The following COL4A3 variants were observed in gnomAD, a reference collection of about 807,000 sequenced individuals.
COL4A3 encodes collagen alpha-3(IV) chain.
Under a neutral mutation model 217.4 loss-of-function variants are expected in COL4A3, and 135 were observed. The observed-to-expected ratio is 0.62, with a 90% confidence interval of 0.54 to 0.72. The LOEUF (loss-of-function observed/expected upper bound fraction) is 0.72. Ranked by LOEUF, COL4A3 falls within the 30% of genes least tolerant of loss-of-function variation. COL4A3 has a pLI of 0.00. For synonymous variants in COL4A3, 690 were observed against 736.3 expected (o/e 0.94, Z 1.02); for missense variants, 1,868 against 2,119.9 (o/e 0.88, Z 2.33).
chr2:227,244,752 C>A (rs1412069046), intron 4 of COL4A3, 199 bp from the exon 5 acceptor site: 4 of 754,108 alleles, frequency 5.3e-6, no homozygotes, highest in African/African-American at 1.7e-5. Context: ...TTAATGATAT[C>A]TTTTTAAGAG....
intron 16 of COL4A3, 31 bp downstream of exon 16, chr2:227,256,101 T>C: frequency 6.3e-7 from 1 of 1,599,238 alleles, no homozygotes; most frequent in Non-Finnish European, 8.6e-7. Context: ...ATGGAGGTAG[T>C]AAAAATGTCA....
chr2:227,280,355 G>C (rs546148850), intron 29 of COL4A3, 85 bp from the exon 30 acceptor site: 2 of 1,489,000 alleles, frequency 1.3e-6, no homozygotes, highest in South Asian at 1.1e-5. Context: ...TGTGCAACAG[G>C]GACTTAGAGC....
At chr2:227,199,833 AACAAAC>A (rs1211001309) in intron 1 of COL4A3, among the ~76,000 whole-genome samples, 1 of 152,070 alleles carries the variant, frequency 6.6e-6, no homozygotes, top group Non-Finnish European at 1.5e-5. Flanking sequence ...AAAATGTAAA[AACAAAC>A]AAACAAACAA....
Position 227,294,034 on chromosome 2 carries a change from T to C in COL4A3, c.3338-456T>C, listed in dbSNP as rs187319934. The C allele has an allele frequency of 2.6e-4, 78 of 301,888 alleles. 1 individual carries two copies. The Middle Eastern group carries it at 3.6e-3, about 14-fold the overall frequency. 18.7% of individuals were successfully genotyped at this position (301,888 alleles called of 1,614,324 possible). A position where few individuals can be genotyped will look rare whatever the true frequency, so the allele number is the denominator to read the frequency against. The stretch of plus-strand genomic sequence containing the variant: ...GACAACACAATTCAAACTACAACAC[T>C]GTGCTGTGACTCTTTTTCGAACCCA... On this transcript the variant is annotated intron_variant, in intron 38 of 51. Coordinates refer to ENST00000396578, the MANE Select transcript of COL4A3 (RefSeq NM_000091.5).
intron 1 of COL4A3, among the ~76,000 whole-genome samples, chr2:227,176,862 A>G (rs2065691728): frequency 6.6e-6 from 1 of 152,250 alleles, no homozygotes; most frequent in Non-Finnish European, 1.5e-5. Flanking sequence ...TTGTTGAACC[A>G]GAATGATAGG....
chr2:227,311,860 A>C lies in COL4A3; in HGVS notation c.5003A>C (p.Lys1668Thr), dbSNP rs1251988107. 6.2e-7 allele frequency: 1 copy of C among 1,613,852 alleles called. No individual in the cohort carries two copies. Among genetic ancestry groups the C allele is most frequent in the East Asian group, 2.2e-5 (1 of 44,858 alleles). The part of the protein sequence containing the change: ...IISRCQVCMK[K>T]RH ...AGTCGCTGTCAGGTGTGCATGAAGA[A>C]AAGACACTGAAGCTAAAAAAGACAG... The change falls in exon 52 of 52, where the codon AAA becomes ACA. Residue 1668 changes from lysine to threonine, a missense_variant. Lys to Thr is a moderately conservative substitution (Grantham distance 78). Coordinates refer to ENST00000396578, the MANE Select transcript of COL4A3 (RefSeq NM_000091.5).
At chr2:227,197,641 C>A (rs1179566579) in intron 1 of COL4A3, among the ~76,000 whole-genome samples, 1 of 152,160 alleles carries the variant, frequency 6.6e-6, no homozygotes, top group Non-Finnish European at 1.5e-5. Flanking sequence ...AAGACATAAT[C>A]TTATCCCTAA....
chr2:227,261,053 A>G (rs1234216936), intron 19 of COL4A3, 29 bp from the exon 20 acceptor site: 1 of 1,592,506 alleles, frequency 6.3e-7, no homozygotes, highest in East Asian at 2.2e-5. Context: ...TATCTTTCTA[A>G]GCAATTAATT....
In COL4A3 at chr2:227,248,478, T is replaced by C. The variant is rs748974369; in HGVS notation, c.504T>C (p.Asp168=). The change falls in exon 9 of 52, where the codon GAT becomes GAC. Residue 168 remains aspartate, a synonymous_variant. Transcript: ENST00000396578. ...CTAAAGAAGAAGATATAGAACTTGA[T>C]GCAAAAGGCGACCCCGGGTTGCCAG... is the stretch of plus-strand genomic sequence containing the variant. The part of the protein sequence containing the change: ...APAKEEDIEL[D]AKGDPGLPGA... The C allele has an allele frequency of 2.0e-5, 32 of 1,613,256 alleles. No homozygotes were observed. In the Admixed American group the frequency reaches 4.7e-4, roughly 24 times the overall value.
chr2:227,189,574 G>A (rs1207720051), intron 1 of COL4A3, among the ~76,000 whole-genome samples: 1 of 152,276 alleles, frequency 6.6e-6, no homozygotes, highest in South Asian at 2.1e-4. Flanking sequence ...GTTAGTATCG[G>A]TAAAAAGCCT....
intron 1 of COL4A3, among the ~76,000 whole-genome samples, chr2:227,189,121 G>A (rs1468341566): frequency 1.3e-5 from 2 of 152,122 alleles, no homozygotes; most frequent in Admixed American, 6.5e-5. Context: ...GTGTCTGGAG[G>A]GAGAGAGGCC....
intron 26 of COL4A3, among the ~76,000 whole-genome samples, chr2:227,275,020 C>A (rs1040322195): frequency 6.6e-6 from 1 of 152,198 alleles, no homozygotes; most frequent in Non-Finnish European, 1.5e-5. Flanking sequence ...CAGCTGCACT[C>A]CTGTATGTAC....
At chr2:227,218,376 G>C (rs1458906422) in intron 1 of COL4A3, among the ~76,000 whole-genome samples, 2 of 152,088 alleles carry the variant, frequency 1.3e-5, no homozygotes, top group Non-Finnish European at 2.9e-5. Context: ...TGAGGCAGGA[G>C]AATGGCGTGA....
intron 1 of COL4A3, among the ~76,000 whole-genome samples, chr2:227,232,923 A>G (rs2068486387): frequency 6.6e-6 from 1 of 152,362 alleles, no homozygotes; most frequent in East Asian, 1.9e-4. Flanking sequence ...GCTAGCACTT[A>G]AAGAGTTAGA....
chr2:227,174,262 G>A (rs2065594870), intron 1 of COL4A3, among the ~76,000 whole-genome samples: 1 of 152,014 alleles, frequency 6.6e-6, no homozygotes, highest in Non-Finnish European at 1.5e-5. Context: ...AAAGGAATGG[G>A]GCAAGGGAAA....
intron 47 of COL4A3, among the ~76,000 whole-genome samples, chr2:227,306,785 G>A (rs2073520080): frequency 6.6e-6 from 1 of 152,150 alleles, no homozygotes. Context: ...ACTAATTCCT[G>A]TGATGATGTA....
intron 6 of COL4A3, 106 bp from the exon 7 acceptor site, chr2:227,246,579 T>C: frequency 1.1e-6 from 1 of 879,030 alleles, no homozygotes; most frequent in East Asian, 2.6e-5. Flanking sequence ...CGGGTTACTT[T>C]GTCTAGATTT....
chr2:227,271,351 T>A lies in COL4A3; in HGVS notation c.1758+399T>A, dbSNP rs35464358. On this transcript the variant is annotated intron_variant, in intron 25 of 51. Coordinates refer to ENST00000396578, the MANE Select transcript of COL4A3 (RefSeq NM_000091.5). The stretch of plus-strand genomic sequence containing the variant: ...GAAGACAGCATATTTAGGGGTATGG[T>A]AGTCAAATAAAGAGATTAAATGTTT... 4.6e-5 allele frequency among the ~76,000 whole-genome samples: 7 copies of A among 151,978 alleles called. No individual in the cohort carries two copies. The South Asian group carries it at 1.5e-3, about 32-fold the overall frequency.
At position 227,312,165 on chromosome 2, in the gene COL4A3, T is replaced by C; in HGVS notation, c.*295T>C. 2.8e-6 allele frequency: 1 copy of C among 359,888 alleles called. No individual in the cohort carries two copies. The highest frequency in any genetic ancestry group is 5.2e-6 in the Non-Finnish European group (1 of 191,990). 22.3% of individuals were successfully genotyped at this position (359,888 alleles called of 1,614,324 possible). ...CAAGGCACTGTCACTACGGTGATTG[T>C]ATGAAGTTTGAATGCTGCAAGTTAT... On this transcript the variant is annotated 3_prime_UTR_variant, in exon 52 of 52. Transcript: ENST00000396578.
Sources: gnomAD v4.1 joint callset for allele counts (sites outside exome capture counted in the v4.1 genomes callset) on GRCh38, gnomAD v4.1.1 for gene constraint, MANE v1.5 for transcripts, NCBI Gene and HGNC (gene_info 2026-07-23, HGNC 2026-07-21) for gene names.